Variants in SIK3 observed in about 807,000 individuals in gnomAD.
The protein encoded by SIK3 is SIK family kinase 3.
In SIK3, 28 loss-of-function variants were observed where a neutral mutation model predicts 144.2. The ratio of observed to expected loss-of-function variants is 0.19; its 90% CI spans 0.14 to 0.27. The LOEUF is 0.27. Among genes scored for constraint, SIK3 ranks in the 10% least tolerant of loss-of-function variants. The pLI is 1.00. For synonymous variants in SIK3, 686 were observed against 676.3 expected (o/e 1.01, Z -0.22); for missense variants, 1,319 against 1,776.0 (o/e 0.74, Z 4.62).
At chr11:116,969,353 C>G (rs142786535) in intron 1 of SIK3, among the ~76,000 whole-genome samples, 1 of 149,268 alleles carries the variant, frequency 6.7e-6, no homozygotes, top group Non-Finnish European at 1.5e-5. Context: ...AATAAGAGAC[C>G]GTAAGTAACA....
intron 3 of SIK3, among the ~76,000 whole-genome samples, chr11:116,930,458 T>G (rs1191269447): frequency 6.6e-6 from 1 of 152,252 alleles, no homozygotes; most frequent in Non-Finnish European, 1.5e-5. Flanking sequence ...GATATTTAAC[T>G]TTCAGTGAAG....
Position 116,874,004 on chromosome 11 carries a change from T to A in SIK3, c.1480A>T (p.Asn494Tyr). The change falls in exon 12 of 25, where the codon AAC becomes TAC. Residue 494 changes from asparagine (N) to tyrosine (Y), a missense_variant. Physicochemically the swap from Asn to Tyr is moderately radical, Grantham distance 143. This residue lies in a region of SIK3 where 167 missense variants were observed against 263.3 expected (regional missense o/e 0.63). Coordinates refer to ENST00000445177, the MANE Select transcript of SIK3 (RefSeq NM_001366686.3). Reference protein sequence around the residue: ...QKLLPGFPGVNPQAPFLQVAP... With the variant: ...QKLLPGFPGVYPQAPFLQVAP... ...ACCTGCAGGAATGGAGCCTGGGGGT[T>A]GACTCCAGGAAAGCCAGGTAGGAGC... The A allele has an allele frequency of 6.2e-7, 1 of 1,614,136 alleles. No individual in the cohort carries two copies. The highest frequency in any genetic ancestry group is 8.5e-7 in the Non-Finnish European group (1 of 1,179,980).
At chr11:117,023,621 A>AAAAAATATATATATATATATATAT (rs754624841) in intron 1 of SIK3, among the ~76,000 whole-genome samples, 11 of 95,382 alleles carry the variant, frequency 1.2e-4, no homozygotes, top group East Asian at 3.1e-4. Context: ...AAAAAAAAAA[A>AAAAAATATATATATATATATATAT]ATATATATAT....
chr11:116,906,554 A>G (rs1285818145), intron 4 of SIK3, among the ~76,000 whole-genome samples: 1 of 152,158 alleles, frequency 6.6e-6, no homozygotes, highest in African/African-American at 2.4e-5. Flanking sequence ...TGCAGCAAAA[A>G]GGAGAGAGAA....
chr11:116,862,433 C>T (rs1943395932), intron 16 of SIK3, 106 bp from the exon 17 acceptor site: 4 of 1,445,230 alleles, frequency 2.8e-6, no homozygotes, highest in Non-Finnish European at 3.8e-6. Flanking sequence ...CAGAAAGAGC[C>T]GCAAGAGAAC....
intron 3 of SIK3, among the ~76,000 whole-genome samples, chr11:116,938,631 GAGA>G (rs1948117320): frequency 9.8e-6 from 1 of 102,166 alleles, no homozygotes; most frequent in Non-Finnish European, 2.0e-5. Flanking sequence ...GGGAGGAGAG[GAGA>G]GGAGAGGAGA....
At chr11:116,980,290 C>T (rs993877972) in intron 1 of SIK3, among the ~76,000 whole-genome samples, 1 of 152,172 alleles carries the variant, frequency 6.6e-6, no homozygotes, top group Admixed American at 6.5e-5. Flanking sequence ...GGAACACAGG[C>T]TTGGGTTCTT....
chr11:117,021,928 C>CAAAAGAAAA (rs1951779890), intron 1 of SIK3, among the ~76,000 whole-genome samples: 1 of 58,952 alleles, frequency 1.7e-5, no homozygotes, highest in Non-Finnish European at 3.7e-5. Context: ...TCTGTCTCTA[C>CAAAAGAAAA]AAAAAAAAAA....
chr11:116,935,979 T>C (rs1947894143), intron 3 of SIK3, among the ~76,000 whole-genome samples: 1 of 152,142 alleles, frequency 6.6e-6, no homozygotes, highest in Non-Finnish European at 1.5e-5. Flanking sequence ...GTATCATAAA[T>C]ATATCTAAAT....
At chr11:116,910,598 A>G (rs1946288562) in intron 4 of SIK3, among the ~76,000 whole-genome samples, 1 of 152,194 alleles carries the variant, frequency 6.6e-6, no homozygotes. Flanking sequence ...GGAGTGCTGT[A>G]CTGCTCCAGC....
chr11:116,927,404 A>C, intron 3 of SIK3, 24 bp from the exon 4 acceptor site: 2 of 1,605,508 alleles, frequency 1.2e-6, no homozygotes, highest in Admixed American at 1.7e-5. Flanking sequence ...GAATACAGTC[A>C]GTTTTCATTT....
At chr11:117,023,621 A>AAAAAAAATATATATATATATAT (rs754624841) in intron 1 of SIK3, among the ~76,000 whole-genome samples, 18 of 95,352 alleles carry the variant, frequency 1.9e-4, no homozygotes, top group East Asian at 6.1e-4. Context: ...AAAAAAAAAA[A>AAAAAAAATATATATATATATAT]ATATATATAT....
chr11:116,927,295 G>A lies in SIK3; in HGVS notation c.540C>T (p.His180=), dbSNP rs1947328327. The A allele has an allele frequency of 1.9e-6, 3 of 1,613,886 alleles. No homozygotes were observed. Among genetic ancestry groups the A allele is most frequent in the East Asian group, 2.2e-5 (1 of 44,884 alleles). ...KQIVTAVYFC[H]CRNIVHRDLK... ...AATCACGATGAACAATGTTCCGACA[G>A]TGACAAAAATAGACAGCTGTGACGA... The change falls in exon 4 of 25, where the codon CAC becomes CAT. Residue 180 remains histidine (H), a synonymous_variant. Transcript: ENST00000445177.
At chr11:116,900,032 C>T (rs1945651037) in intron 4 of SIK3, among the ~76,000 whole-genome samples, 1 of 152,178 alleles carries the variant, frequency 6.6e-6, no homozygotes, top group South Asian at 2.1e-4. Flanking sequence ...CTCTTTTAAT[C>T]TCGCTACTTC....
intron 1 of SIK3, among the ~76,000 whole-genome samples, chr11:116,984,945 C>T (rs1439889402): frequency 1.3e-5 from 2 of 152,178 alleles, no homozygotes; most frequent in Non-Finnish European, 2.9e-5. Context: ...ACAAAAGGTT[C>T]TTTCAGTCAC....
At chr11:116,963,454 C>T (rs971271072) in intron 1 of SIK3, among the ~76,000 whole-genome samples, 1 of 152,206 alleles carries the variant, frequency 6.6e-6, no homozygotes, top group African/African-American at 2.4e-5. Context: ...TATACAACCA[C>T]ACATCTCCTT....
At chr11:117,064,978 T>A (rs1268820861) in intron 1 of SIK3, among the ~76,000 whole-genome samples, 1 of 151,910 alleles carries the variant, frequency 6.6e-6, no homozygotes, top group African/African-American at 2.4e-5. Context: ...TGAAACCCCA[T>A]CTCCACTAAA....
At chr11:116,859,665 T>C (rs1943202135) in intron 19 of SIK3, 61 bp from the exon 20 acceptor site, 1 of 1,373,252 alleles carries the variant, frequency 7.3e-7, no homozygotes, top group East Asian at 2.3e-5. Context: ...CCAGAAGTAA[T>C]GAGAGCTAAT....
intron 6 of SIK3, among the ~76,000 whole-genome samples, chr11:116,883,111 T>C (rs531070340): frequency 1.3e-5 from 2 of 152,288 alleles, no homozygotes; most frequent in Admixed American, 1.3e-4. Flanking sequence ...GTGATGCTAT[T>C]ATAGCAAACA....
Sources: gnomAD v4.1 joint callset for allele counts (sites outside exome capture counted in the v4.1 genomes callset) on GRCh38, gnomAD v4.1.1 for gene constraint, gnomAD v4.1.1 regional missense constraint, MANE v1.5 for transcripts, NCBI Gene and HGNC (gene_info 2026-07-23, HGNC 2026-07-21) for gene names.